The following TTYH1 variants were observed in gnomAD, a reference collection of about 807,000 sequenced individuals.
TTYH1 encodes the protein tweety family member 1, also known as protein tweety homolog 1.
TTYH1 carries 33 observed loss-of-function variants against 61.2 expected under a neutral mutation model. The observed-to-expected ratio is 0.54, with a 90% CI of 0.41 to 0.72. The LOEUF is 0.72. Ranked by LOEUF, TTYH1 falls within the 30% of genes least tolerant of loss-of-function variation. The pLI, the probability that TTYH1 is intolerant of heterozygous loss-of-function variation, is 0.00. For synonymous variants in TTYH1, 308 were observed against 266.4 expected, an observed-to-expected ratio of 1.16 and a Z score of -1.52; for missense variants, 538 against 575.8, an observed-to-expected ratio of 0.93 and a Z score of 0.67.
intron 10 of TTYH1, 74 bp downstream of exon 10, chr19:54,431,265 T>C (rs1264123467): frequency 3.9e-6 from 4 of 1,026,468 alleles, no homozygotes; most frequent in East Asian, 2.4e-5. Context: ...ACCTCCTCCT[T>C]CTCCTTGGAC....
At position 54,420,133 on chromosome 19, in the gene TTYH1, G is replaced by C. The variant is rs1475337974; in HGVS notation, c.305+827G>C. ...AAAGCGAGCTTAGGGGGCTTCCAAT[G>C]TGAACACACCAGCTACCAAGAACGA... is the stretch of plus-strand genomic sequence containing the variant. On this transcript the variant is annotated intron_variant, in intron 2 of 13. Transcript: ENST00000376530. This position sits in a 1 kb window ranked among gnomAD's most constrained non-coding sequence, Gnocchi z 4.8. 6.6e-6 allele frequency among the ~76,000 whole-genome samples: 1 copy of C among 152,116 alleles called. No individual in the cohort carries two copies. Among genetic ancestry groups the C allele is most frequent in the African/African-American group, 2.4e-5 (1 of 41,420 alleles).
At chr19:54,418,861 C>T in intron 1 of TTYH1, 1 of 418,182 alleles carries the variant, frequency 2.4e-6, no homozygotes, top group Non-Finnish European at 4.2e-6. Context: ...AAAGATTGCA[C>T]AGCCAATGGA....
Position 54,434,437 on chromosome 19 carries a change from C to A in TTYH1, c.1126-1105C>A. ...CCCCTCCCAGCTTCCTCTGCACAGC[C>A]CTCTGCCTGGCTCCTTCCTGGAGGA... On this transcript the variant is annotated intron_variant, in intron 10 of 13. Transcript: ENST00000376530. This position sits in a 1 kb window ranked among gnomAD's most constrained non-coding sequence, Gnocchi z 4.3. 1 of 153,522 alleles carries A rather than the reference C, an allele frequency of 6.5e-6. No individual in the cohort carries two copies. The highest frequency in any genetic ancestry group is 1.4e-5 in the Non-Finnish European group (1 of 68,990). 9.5% of individuals were successfully genotyped at this position (153,522 alleles called of 1,614,324 possible).
chr19:54,426,188 G>A (rs548479394), intron 4 of TTYH1, among the ~76,000 whole-genome samples: 4 of 152,318 alleles, frequency 2.6e-5, no homozygotes, highest in Admixed American at 6.5e-5. Context: ...GGGAAACTGA[G>A]GAACGAGAGG....
intron 5 of TTYH1, 45 bp downstream of exon 5, chr19:54,426,813 C>A: frequency 6.5e-7 from 1 of 1,544,350 alleles, no homozygotes; most frequent in Non-Finnish European, 8.9e-7. Flanking sequence ...CTGGCACTCT[C>A]CTGGCAGGCA....
chr19:54,422,278 T>C lies in TTYH1; in HGVS notation c.506T>C (p.Val169Ala). The stretch of plus-strand genomic sequence containing the variant: ...GTGCTCGAGCCGCGCACGGAGCTGG[T>C]GGCTGCCGCCCGAGGGGCTCGACGG... ...EEVLEPRTEL[V>A]AAARGARRQA... Residue 169 changes from valine to alanine, a missense_variant, in exon 4 of 14, where the codon GTG (valine) becomes GCG (alanine). Transcript: ENST00000376530. 7 of 1,567,228 alleles carry C rather than the reference T, an allele frequency of 4.5e-6. No homozygotes were observed. Among genetic ancestry groups the C allele is most frequent in the Non-Finnish European group, 6.1e-6 (7 of 1,156,520 alleles).
chr19:54,421,219 C>A lies in TTYH1; in HGVS notation c.306-58C>A. ...GTGGAGGGGATGGGGTGGGAGGGGA[C>A]GGTGGCCCCCGGGGTCCTGGGACCC... is the stretch of plus-strand genomic sequence containing the variant. On this transcript the variant is annotated intron_variant, in intron 2 of 13. Coordinates refer to ENST00000376530, the MANE Select transcript of TTYH1 (RefSeq NM_020659.4). This position sits in a 1 kb window ranked among gnomAD's most constrained non-coding sequence, Gnocchi z 4.8. The A allele has an allele frequency of 8.7e-7, 1 of 1,151,944 alleles. No homozygotes were observed. The highest frequency in any genetic ancestry group is 1.3e-6 in the Non-Finnish European group (1 of 765,130). 71.4% of individuals were successfully genotyped at this position (1,151,944 alleles called of 1,614,324 possible). A position where few individuals can be genotyped will look rare whatever the true frequency, so the allele number is the denominator to read the frequency against.
rs369436708 is a variant in TTYH1, at chr19:54,420,399, G to A, written c.306-878G>A. Among the ~76,000 whole-genome samples the A allele has an allele frequency of 2.1e-4, 32 of 152,270 alleles. No homozygotes were observed. Among genetic ancestry groups the A allele is most frequent in the Admixed American group, 9.8e-4 (15 of 15,302 alleles). ...GGGGAGAGACACGGCCCCAGCCCCC[G>A]CAGCCTGGGAACAAGAGGAGCTTTG... On this transcript the variant is annotated intron_variant, in intron 2 of 13. Coordinates refer to ENST00000376530, the MANE Select transcript of TTYH1 (RefSeq NM_020659.4). This position sits in a 1 kb window ranked among gnomAD's most constrained non-coding sequence, Gnocchi z 4.8.
At position 54,415,980 on chromosome 19, in the gene TTYH1, C is replaced by A; in HGVS notation, c.126+302C>A. 1 of 1,296,760 alleles carries A rather than the reference C, an allele frequency of 7.7e-7. No homozygotes were observed. Among genetic ancestry groups the A allele is most frequent in the Non-Finnish European group, 1.0e-6 (1 of 968,512 alleles). 80.3% of individuals were successfully genotyped at this position (1,296,760 alleles called of 1,614,324 possible). On this transcript the variant is annotated intron_variant, in intron 1 of 13. Coordinates refer to ENST00000376530, the MANE Select transcript of TTYH1 (RefSeq NM_020659.4). The surrounding 1 kb of genome is among the most constrained non-coding windows in gnomAD (Gnocchi z 5.2). ...GGATTCCCGGGTGTCTGATACCTGC[C>A]TGGGAAGCCGGCCTCCAGGGTCATC...
chr19:54,427,480 T>A (rs1423359262), intron 5 of TTYH1, among the ~76,000 whole-genome samples: 1 of 151,170 alleles, frequency 6.6e-6, no homozygotes, highest in Admixed American at 6.6e-5. Context: ...GGCGGGCGCC[T>A]ATAGTCCCAG....
rs1437245005 is a variant in TTYH1, at chr19:54,420,959, T to C, written c.306-318T>C. The C allele has an allele frequency of 6.9e-6, 3 of 436,298 alleles. No homozygotes were observed. Among genetic ancestry groups the C allele is most frequent in the African/African-American group, 4.0e-5 (2 of 49,838 alleles). 27.0% of individuals were successfully genotyped at this position (436,298 alleles called of 1,614,324 possible). ...GTCCTAGGGAGGGGAAGACGGCCCA[T>C]CCCGGAGCTGGGTGTGACTGGGGTT... On this transcript the variant is annotated intron_variant, in intron 2 of 13. Coordinates refer to ENST00000376530, the MANE Select transcript of TTYH1 (RefSeq NM_020659.4). The surrounding 1 kb of genome is among the most constrained non-coding windows in gnomAD (Gnocchi z 4.8).
chr19:54,422,319 GCC>G lies in TTYH1; in HGVS notation c.549_550del (p.Gln184AlafsTer20). On this transcript the variant is annotated frameshift_variant, in exon 4 of 14. Transcript: ENST00000376530. LOFTEE classifies it high-confidence loss of function. ...GGCTCGACGGCAGGCGGAGGCTGCG[GCC>G]CAGCAGCTGCAGGGGCTGGCCTTCT... ...RGARRQAEAAAQQLQGLAFWQ... is the reference protein window; with the variant it reads ...RGARRQAEAAXQQLQGLAFWQ... The G allele has an allele frequency of 6.4e-7, 1 of 1,565,950 alleles. No homozygotes were observed. Among genetic ancestry groups the G allele is most frequent in the Non-Finnish European group, 8.6e-7 (1 of 1,156,590 alleles).
At position 54,419,895 on chromosome 19, in the gene TTYH1, A is replaced by G. The variant is rs372516377; in HGVS notation, c.305+589A>G. On this transcript the variant is annotated intron_variant, in intron 2 of 13. Coordinates refer to ENST00000376530, the MANE Select transcript of TTYH1 (RefSeq NM_020659.4). This position sits in a 1 kb window ranked among gnomAD's most constrained non-coding sequence, Gnocchi z 6.1. ...AATCAGGGAGACGGACGATAAATAG[A>G]TATAATCACCCTCCAAGAGCACCTC... Among the ~76,000 whole-genome samples the G allele has an allele frequency of 6.6e-6, 1 of 152,256 alleles. No homozygotes were observed. The highest frequency in any genetic ancestry group is 2.4e-5 in the African/African-American group (1 of 41,542).
intron 3 of TTYH1, 126 bp from the exon 4 acceptor site, chr19:54,422,064 G>A: frequency 1.4e-6 from 1 of 722,260 alleles, no homozygotes; most frequent in Non-Finnish European, 2.3e-6. Flanking sequence ...ATCCTCAGAT[G>A]TCCCAGACTC....
chr19:54,427,766 A>G (rs73936544), intron 5 of TTYH1, among the ~76,000 whole-genome samples: 138,223 of 152,106 alleles, frequency 0.91, 63,559 homozygotes, highest in Non-Finnish European at 0.98. Flanking sequence ...GGCCAAGTCC[A>G]AGACTGAGCC....
chr19:54,435,179 A>T, intron 10 of TTYH1: 1 of 230,374 alleles, frequency 4.3e-6, no homozygotes, highest in Non-Finnish European at 8.5e-6. Flanking sequence ...GTAGATGAAG[A>T]TGGAGGAGAG....
chr19:54,429,177 C>G lies in TTYH1; in HGVS notation c.735-130C>G. 1 of 827,754 alleles carries G rather than the reference C, an allele frequency of 1.2e-6. No individual in the cohort carries two copies. The highest frequency in any genetic ancestry group is 2.1e-5 in the Admixed American group (1 of 47,570). 51.3% of individuals were successfully genotyped at this position (827,754 alleles called of 1,614,324 possible). A position where few individuals can be genotyped will look rare whatever the true frequency, so the allele number is the denominator to read the frequency against. On this transcript the variant is annotated intron_variant, in intron 5 of 13. Coordinates refer to ENST00000376530, the MANE Select transcript of TTYH1 (RefSeq NM_020659.4). This position sits in a 1 kb window ranked among gnomAD's most constrained non-coding sequence, Gnocchi z 5.1. ...CCCCCAACCACTGAACTTGTGTTTC[C>G]CTAATTCTGATCCTCCAGGCTCCAG...
At position 54,416,243 on chromosome 19, in the gene TTYH1, T is replaced by C. The variant is rs1458510604; in HGVS notation, c.126+565T>C. On this transcript the variant is annotated intron_variant, in intron 1 of 13. Coordinates refer to ENST00000376530, the MANE Select transcript of TTYH1 (RefSeq NM_020659.4). The surrounding 1 kb of genome is among the most constrained non-coding windows in gnomAD (Gnocchi z 7.0). ...AAGGGGCTCTGGGAGAGGAAGCTTC[T>C]TGCCCGTCCCAAGAAAGAAGGGGTG... 3 of 355,488 alleles carry C rather than the reference T, an allele frequency of 8.4e-6. No individual in the cohort carries two copies. The East Asian group carries it at 2.7e-4, about 33-fold the overall frequency. 22.0% of individuals were successfully genotyped at this position (355,488 alleles called of 1,614,324 possible).
At position 54,416,726 on chromosome 19, in the gene TTYH1, C is replaced by T; in HGVS notation, c.126+1048C>T. The T allele has an allele frequency of 7.8e-7, 1 of 1,286,180 alleles. No homozygotes were observed. Among genetic ancestry groups the T allele is most frequent in the Non-Finnish European group, 1.0e-6 (1 of 985,228 alleles). The allele number at this position is 1,286,180 out of a possible 1,614,324, so 79.7% of individuals were successfully genotyped here. ...GCTGGCACAGCCCTGAGCAGCTCTTCCCCGCCTGCTCCTCGCCGCCCCCTC... is the reference window on the plus strand; with the variant it reads ...GCTGGCACAGCCCTGAGCAGCTCTTTCCCGCCTGCTCCTCGCCGCCCCCTC... On this transcript the variant is annotated intron_variant, in intron 1 of 13. Coordinates refer to ENST00000376530, the MANE Select transcript of TTYH1 (RefSeq NM_020659.4). The surrounding 1 kb of genome is among the most constrained non-coding windows in gnomAD (Gnocchi z 7.0).
Sources: gnomAD v4.1 joint callset for allele counts (sites outside exome capture counted in the v4.1 genomes callset) on GRCh38, gnomAD v4.1.1 for gene constraint, Gnocchi (gnomAD v3.1) non-coding constraint, MANE v1.5 for transcripts, NCBI Gene and HGNC (gene_info 2026-07-23, HGNC 2026-07-21) for gene names.